Variants in DAAM2 observed in about 807,000 individuals in gnomAD.
DAAM2 encodes the protein disheveled-associated activator of morphogenesis 2.
A neutral mutation model predicts 120.7 loss-of-function variants in DAAM2; 39 were observed. The ratio of observed to expected loss-of-function variants is 0.32; its 90% CI spans 0.25 to 0.42. The LOEUF (loss-of-function observed/expected upper bound fraction) is 0.42. Among genes scored for constraint, DAAM2 ranks in the 10% least tolerant of loss-of-function variants. The pLI is 1.00. For missense variants in DAAM2, 1,283 were observed against 1,401.7 expected (o/e 0.92, Z 1.35); for synonymous variants, 488 against 524.9 (o/e 0.93, Z 0.96).
intron 21 of DAAM2, among the ~76,000 whole-genome samples, chr6:39,897,845 T>TC (rs1427986164): frequency 2.6e-5 from 4 of 152,218 alleles, no homozygotes; most frequent in Admixed American, 2.6e-4. Flanking sequence ...ATAGCTTTGC[T>TC]TGAATGAGCT....
At position 39,878,515 on chromosome 6, in the gene DAAM2, C is replaced by G. The variant is rs375370038; in HGVS notation, c.1472C>G (p.Ala491Gly). ...CTGAACAAAATGAAGGACAAGCTGG[C>G]CCGGGAGTCCCAGGAGCTGCGCCAG... The part of the protein sequence containing the change: ...RTLNKMKDKL[A>G]RESQELRQAR... The change falls in exon 13 of 25, where the codon GCC becomes GGC. Residue 491 changes from alanine to glycine, a missense_variant. By Grantham distance (60) the Ala-to-Gly change is moderately conservative. Coordinates refer to ENST00000274867, the MANE Select transcript of DAAM2 (RefSeq NM_001201427.2). The surrounding 1 kb of genome is among the most constrained non-coding windows in gnomAD (Gnocchi z 5.0). 106 of 1,610,076 alleles carry G rather than the reference C, an allele frequency of 6.6e-5. No individual in the cohort carries two copies. Among genetic ancestry groups the G allele is most frequent in the Non-Finnish European group, 8.9e-5 (105 of 1,178,298 alleles).
chr6:39,806,605 A>C (rs1762015532), intron 1 of DAAM2, among the ~76,000 whole-genome samples: 1 of 152,186 alleles, frequency 6.6e-6, no homozygotes, highest in South Asian at 2.1e-4. Context: ...GCCAGGATGC[A>C]AAAGGGAGTC....
chr6:39,895,218 C>CTTTATTTATTTATTTA (rs1243055930), intron 19 of DAAM2, among the ~76,000 whole-genome samples: 16 of 90,434 alleles, frequency 1.8e-4, no homozygotes, highest in Admixed American at 4.6e-4. Context: ...ATTTTTACAA[C>CTTTATTTATTTATTTA]TTTATTTACT....
At chr6:39,813,820 TA>T (rs1187561837) in intron 1 of DAAM2, among the ~76,000 whole-genome samples, 2 of 152,224 alleles carry the variant, frequency 1.3e-5, no homozygotes, top group African/African-American at 2.4e-5. Context: ...ACATACATTG[TA>T]AAAGCATGGT....
intron 1 of DAAM2, among the ~76,000 whole-genome samples, chr6:39,806,030 G>A (rs187738146): frequency 6.6e-6 from 1 of 152,106 alleles, no homozygotes; most frequent in African/African-American, 2.4e-5. Flanking sequence ...TTACTCTCAA[G>A]CATTTCCAAA....
At position 39,830,505 on chromosome 6, in the gene DAAM2, G is replaced by C. The variant is rs531644638; in HGVS notation, c.-56-25742G>C. Among the ~76,000 whole-genome samples, 85 of 152,240 alleles carry C rather than the reference G, an allele frequency of 5.6e-4. 2 individuals are homozygous for C. The highest frequency in any genetic ancestry group is 4.7e-3 in the Admixed American group (72 of 15,296). On this transcript the variant is annotated intron_variant, in intron 1 of 24. Transcript: ENST00000274867. ...CCTGCGTCTTCTTCATCGTGAGTGG[G>C]GACAAGTGATGCTGACAGACAGACC...
chr6:39,871,698 C>T, intron 9 of DAAM2, 126 bp downstream of exon 9: 1 of 721,376 alleles, frequency 1.4e-6, no homozygotes, highest in Non-Finnish European at 2.3e-6. Context: ...TGGGCACCCC[C>T]ATGGCCAGGT....
At chr6:39,823,169 C>A (rs1283397875) in intron 1 of DAAM2, 2 of 151,796 alleles carry the variant, frequency 1.3e-5, no homozygotes, top group African/African-American at 4.8e-5. Flanking sequence ...ACTTTCAATG[C>A]TTTGTTTCTC....
At chr6:39,842,335 A>G (rs1168982937) in intron 1 of DAAM2, among the ~76,000 whole-genome samples, 5 of 152,208 alleles carry the variant, frequency 3.3e-5, no homozygotes, top group Admixed American at 1.3e-4. Context: ...TAATTGGTAT[A>G]AAAAACATAC....
intron 1 of DAAM2, chr6:39,821,076 T>G (rs938848732): frequency 2.0e-5 from 3 of 152,150 alleles, no homozygotes; most frequent in Non-Finnish European, 4.4e-5. Context: ...TGTTCAGAGT[T>G]TTTCCCTGGA....
chr6:39,861,077 T>C, intron 3 of DAAM2, 60 bp downstream of exon 3: 1 of 1,297,400 alleles, frequency 7.7e-7, no homozygotes. Flanking sequence ...TGGCTCTTGC[T>C]GCCTTGGCAT....
intron 14 of DAAM2, among the ~76,000 whole-genome samples, chr6:39,881,387 G>C (rs955118422): frequency 6.6e-6 from 1 of 152,226 alleles, no homozygotes; most frequent in South Asian, 2.1e-4. Flanking sequence ...TGGACTTCAG[G>C]TTCCTTATCT....
intron 1 of DAAM2, among the ~76,000 whole-genome samples, chr6:39,801,647 A>G (rs936845273): frequency 1.1e-4 from 16 of 152,220 alleles, no homozygotes; most frequent in Admixed American, 9.2e-4. Context: ...TCCCAAGCAC[A>G]GGCGGTCTTT....
chr6:39,897,242 C>A lies in DAAM2; in HGVS notation c.2578C>A (p.Pro860Thr), dbSNP rs761116581. 1.7e-5 allele frequency: 28 copies of A among 1,613,264 alleles called. No homozygotes were observed. The highest frequency in any genetic ancestry group is 1.3e-4 in the Admixed American group (8 of 59,990). ...GCATTTTCCTGATATTCTAAACATG[C>A]CTTCAGAGCTGCAACATCTTCCAGA... ...EKHFPDILNM[P>T]SELQHLPEAA... Residue 860 changes from proline (P) to threonine (T), a missense_variant, in exon 21 of 25, where the codon CCT (proline) becomes ACT (threonine). Physicochemically the swap from Pro to Thr is conservative, Grantham distance 38. Around this residue, in one of 3 missense-constraint regions of DAAM2, gnomAD observed 748 missense variants for 768.6 expected, o/e 0.97. Transcript: ENST00000274867.
chr6:39,842,258 C>T (rs1763370184), intron 1 of DAAM2, among the ~76,000 whole-genome samples: 1 of 152,202 alleles, frequency 6.6e-6, no homozygotes, highest in Non-Finnish European at 1.5e-5. Context: ...GACTGAGGAC[C>T]TGCTGCACAC....
chr6:39,880,217 A>C (rs997702593), intron 14 of DAAM2, among the ~76,000 whole-genome samples: 1 of 152,248 alleles, frequency 6.6e-6, no homozygotes, highest in African/African-American at 2.4e-5. Flanking sequence ...GGTTTCAGTT[A>C]GGTTGGCTCA....
chr6:39,900,061 C>A lies in DAAM2; in HGVS notation c.2680-16C>A. 1 of 1,597,832 alleles carries A rather than the reference C, an allele frequency of 6.3e-7. No individual in the cohort carries two copies. Among genetic ancestry groups the A allele is most frequent in the Non-Finnish European group, 8.5e-7 (1 of 1,172,334 alleles). ...CTTGGCACCAGTCTAAGCAGCACTT[C>A]ACCCTCCCTCCTCAGGAGCTGGAGT... On this transcript the variant is annotated splice_polypyrimidine_tract_variant and intron_variant, in intron 22 of 24. Coordinates refer to ENST00000274867, the MANE Select transcript of DAAM2 (RefSeq NM_001201427.2).
At chr6:39,844,467 G>A (rs1021411914) in intron 1 of DAAM2, among the ~76,000 whole-genome samples, 9 of 152,128 alleles carry the variant, frequency 5.9e-5, no homozygotes, top group South Asian at 2.1e-4. Context: ...TTTGGGCATC[G>A]TCTCCTGGTT....
At chr6:39,807,349 A>G (rs1762038913) in intron 1 of DAAM2, among the ~76,000 whole-genome samples, 1 of 152,212 alleles carries the variant, frequency 6.6e-6, no homozygotes. Context: ...TTATTTACAA[A>G]CATTTATATG....
Sources: gnomAD v4.1 joint callset for allele counts (sites outside exome capture counted in the v4.1 genomes callset) on GRCh38, gnomAD v4.1.1 for gene constraint, gnomAD v4.1.1 regional missense constraint, Gnocchi (gnomAD v3.1) non-coding constraint, MANE v1.5 for transcripts, NCBI Gene and HGNC (gene_info 2026-07-23, HGNC 2026-07-21) for gene names.